Variants in HEXB observed in about 807,000 individuals in gnomAD.
HEXB encodes the protein beta-hexosaminidase subunit beta.
HEXB carries 51 observed loss-of-function variants against 71.2 expected under a neutral mutation model. The observed-to-expected ratio is 0.72, with a 90% CI of 0.57 to 0.90. The LOEUF is 0.90. Among genes scored for constraint, HEXB ranks in the 40% least tolerant of loss-of-function variants. The pLI is 0.00. For missense variants in HEXB, 617 were observed against 677.0 expected, an observed-to-expected ratio of 0.91 and a Z score of 0.98; for synonymous variants, 266 against 249.3, an observed-to-expected ratio of 1.07 and a Z score of -0.63.
In HEXB at chr5:74,720,504, C is replaced by G. The variant is rs149960235; in HGVS notation, c.1494C>G (p.Leu498=). Residue 498 remains leucine, a synonymous_variant, in exon 12 of 14, where the codon CTC becomes CTG. Transcript: ENST00000261416. The stretch of plus-strand genomic sequence containing the variant: ...GAGAATATGTGGATGCAACTAACCT[C>G]ACTCCAAGATTATGGTATGGGATTT... The part of the protein sequence containing the change: ...LWGEYVDATN[L]TPRLWPRASA... The G allele has an allele frequency of 2.7e-5, 43 of 1,612,114 alleles. No individual in the cohort carries two copies. The highest frequency in any genetic ancestry group is 3.4e-5 in the Non-Finnish European group (40 of 1,178,274).
Position 74,685,413 on chromosome 5 carries a change from G to A in HEXB, c.153G>A (p.Lys51=), listed in dbSNP as rs1391606390. The A allele has an allele frequency of 6.3e-7, 1 of 1,598,586 alleles. No homozygotes were observed. The highest frequency in any genetic ancestry group is 8.5e-7 in the Non-Finnish European group (1 of 1,174,560). The change falls in exon 1 of 14, where the codon AAG becomes AAA. Residue 51 remains lysine, a synonymous_variant. Transcript: ENST00000261416. ...CTCGGGCCCCGAGCGTCTCGGCCAA[G>A]CCGGGGCCGGCGCTGTGGCCCCTGC... The part of the protein sequence containing the change: ...EAARAPSVSA[K]PGPALWPLPL...
chr5:74,693,055 G>A (rs777795770), intron 2 of HEXB, among the ~76,000 whole-genome samples: 7 of 152,188 alleles, frequency 4.6e-5, no homozygotes, highest in Non-Finnish European at 7.3e-5. Flanking sequence ...AAGCTAAAGG[G>A]ATTTGGAGAG....
At chr5:74,670,024 C>T (rs1748503337) in intron 1 of HEXB, among the ~76,000 whole-genome samples, 1 of 152,104 alleles carries the variant, frequency 6.6e-6, no homozygotes, top group African/African-American at 2.4e-5. Context: ...CCCAGTGAAA[C>T]CTGACCTTCA....
In HEXB at chr5:74,652,833, C is replaced by T. The variant is rs1397940349; in HGVS notation, c.-377+12275C>T. Among the ~76,000 whole-genome samples, 3 of 152,166 alleles carry T rather than the reference C, an allele frequency of 2.0e-5. No individual in the cohort carries two copies. The highest frequency in any genetic ancestry group is 4.8e-5 in the African/African-American group (2 of 41,454). ...AGTCTTGTCTCACTGCAGTCCCAGG[C>T]CCATCCCATAAGGAGCAAGGGGGAA... is the stretch of plus-strand genomic sequence containing the variant. On this transcript the variant is annotated intron_variant, in intron 1 of 13. Coordinates refer to the HEXB transcript ENST00000511181. The surrounding 1 kb of genome is among the most constrained non-coding windows in gnomAD (Gnocchi z 5.4).
chr5:74,649,359 A>C (rs372684191), intron 1 of HEXB, among the ~76,000 whole-genome samples: 1 of 152,212 alleles, frequency 6.6e-6, no homozygotes, highest in African/African-American at 2.4e-5. Context: ...CATTTGTCCA[A>C]TGGGATGGTC....
At chr5:74,715,468 G>C (rs775767110) in intron 7 of HEXB, 42 bp from the exon 8 acceptor site, 1 of 1,318,556 alleles carries the variant, frequency 7.6e-7, no homozygotes, top group Non-Finnish European at 1.1e-6. Flanking sequence ...TCTTTATAAT[G>C]AGTACACTTC....
At position 74,720,674 on chromosome 5, in the gene HEXB, T is replaced by C; in HGVS notation, c.1540T>C (p.Trp514Arg). The change falls in exon 13 of 14, where the codon TGG becomes CGG. Residue 514 changes from tryptophan (W) to arginine (R), a missense_variant. Coordinates refer to ENST00000261416, the MANE Select transcript of HEXB (RefSeq NM_000521.4). ...PRASAVGERL[W>R]SSKDVRDMDD... ...GGCAAGTGCTGTTGGTGAGAGACTC[T>C]GGAGTTCCAAAGATGTCAGAGATAT... is the stretch of plus-strand genomic sequence containing the variant. The C allele has an allele frequency of 2.5e-6, 4 of 1,614,206 alleles. No homozygotes were observed. Among genetic ancestry groups the C allele is most frequent in the South Asian group, 1.1e-5 (1 of 91,082 alleles).
chr5:74,647,628 C>A (rs1748026645), intron 1 of HEXB, among the ~76,000 whole-genome samples: 1 of 152,204 alleles, frequency 6.6e-6, no homozygotes, highest in Non-Finnish European at 1.5e-5. Context: ...TTTCTCTTAG[C>A]CTCGTAAGTA....
At position 74,642,722 on chromosome 5, in the gene HEXB, G is replaced by A. The variant is rs181872881; in HGVS notation, c.-377+2164G>A. Among the ~76,000 whole-genome samples the A allele has an allele frequency of 2.2e-3, 337 of 152,150 alleles. 2 individuals carry two copies. The highest frequency in any genetic ancestry group is 3.8e-3 in the Non-Finnish European group (259 of 67,980). On this transcript the variant is annotated intron_variant, in intron 1 of 13. Transcript: ENST00000511181. ...CAGGAAGCGACAGAACTAGGGACAG[G>A]TATGTATCTTTACCACCTAGAAATT... is the stretch of plus-strand genomic sequence containing the variant.
chr5:74,672,027 A>G (rs1422526576), intron 1 of HEXB, among the ~76,000 whole-genome samples: 1 of 152,180 alleles, frequency 6.6e-6, no homozygotes, highest in Non-Finnish European at 1.5e-5. Context: ...TGGGCTGATG[A>G]GGTCTGTGTG....
intron 5 of HEXB, among the ~76,000 whole-genome samples, chr5:74,699,428 C>T (rs2112146389): frequency 6.6e-6 from 1 of 152,082 alleles, no homozygotes; most frequent in South Asian, 2.1e-4. Flanking sequence ...GTGCCCACCA[C>T]CACACCTGGC....
intron 5 of HEXB, among the ~76,000 whole-genome samples, chr5:74,699,015 C>T (rs1749184563): frequency 6.6e-6 from 1 of 151,860 alleles, no homozygotes; most frequent in Non-Finnish European, 1.5e-5. Flanking sequence ...TGAAACCCAT[C>T]TCTACTAAAA....
chr5:74,647,895 T>C (rs530061773), intron 1 of HEXB, among the ~76,000 whole-genome samples: 2 of 152,360 alleles, frequency 1.3e-5, no homozygotes, highest in African/African-American at 4.8e-5. Context: ...CCAGTTTCAC[T>C]AGGCTTCTCT....
At chr5:74,715,126 G>T (rs1749639916) in intron 7 of HEXB, among the ~76,000 whole-genome samples, 1 of 152,208 alleles carries the variant, frequency 6.6e-6, no homozygotes, top group Non-Finnish European at 1.5e-5. Context: ...GGAGAAGCTA[G>T]AGAAGGGAGC....
rs775533602 is a variant in HEXB at position 74,652,875 on chromosome 5, C to T, written c.-377+12317C>T. Among the ~76,000 whole-genome samples, 8 of 152,224 alleles carry T rather than the reference C, an allele frequency of 5.3e-5. No homozygotes were observed. Among genetic ancestry groups the T allele is most frequent in the Middle Eastern group, 3.4e-3 (1 of 294 alleles). ...AAGGGGGAAAAGCCTCCCTCTTGGG[C>T]GACTACACACATCTACGCTAGTGAC... is the stretch of plus-strand genomic sequence containing the variant. On this transcript the variant is annotated intron_variant, in intron 1 of 13. Transcript: ENST00000511181. The surrounding 1 kb of genome is among the most constrained non-coding windows in gnomAD (Gnocchi z 5.4).
intron 6 of HEXB, chr5:74,706,067 A>T (rs1215926645): frequency 6.5e-6 from 1 of 152,722 alleles, no homozygotes; most frequent in Non-Finnish European, 1.5e-5. Context: ...ATACAGATAC[A>T]GAATAGTTTA....
At chr5:74,710,722 T>C (rs1030683718) in intron 6 of HEXB, among the ~76,000 whole-genome samples, 1 of 151,516 alleles carries the variant, frequency 6.6e-6, no homozygotes, top group Admixed American at 6.6e-5. Flanking sequence ...GAATCCAACT[T>C]ACAAGGGATG....
chr5:74,705,486 CTT>C (rs990155989), intron 6 of HEXB, 166 bp downstream of exon 6: 1 of 617,658 alleles, frequency 1.6e-6, no homozygotes, highest in Non-Finnish European at 2.9e-6. Context: ...ATCCATAAAA[CTT>C]TTTTTGTTAT....
rs1415628541 is a variant in HEXB at position 74,694,070 on chromosome 5, G to A, written c.511+366G>A. 3.9e-5 allele frequency among the ~76,000 whole-genome samples: 6 copies of A among 152,054 alleles called. No homozygotes were observed. In the South Asian group the frequency reaches 1.2e-3, roughly 31 times the overall value. On this transcript the variant is annotated intron_variant, in intron 3 of 13. Transcript: ENST00000261416. ...GCTACTCTGGAGGCTGAGGTGGGAG[G>A]ATTGCTTGAGTCCAGGACGTTGAGG...
Sources: gnomAD v4.1 joint callset for allele counts (sites outside exome capture counted in the v4.1 genomes callset) on GRCh38, gnomAD v4.1.1 for gene constraint, Gnocchi (gnomAD v3.1) non-coding constraint, MANE v1.5 for transcripts, NCBI Gene and HGNC (gene_info 2026-07-23, HGNC 2026-07-21) for gene names.